VCL: variants seen among roughly 807,000 people sequenced by gnomAD.
The protein encoded by VCL is vinculin.
VCL carries 47 observed loss-of-function variants against 125.7 expected under a neutral mutation model. That is an observed-to-expected ratio of 0.37 (90% confidence interval 0.30 to 0.48). The LOEUF (loss-of-function observed/expected upper bound fraction) is 0.48, where lower values mean the gene tolerates loss of function less well. Ranked by LOEUF, VCL falls within the 20% of genes least tolerant of loss-of-function variation. The probability of loss-of-function intolerance (pLI) is 0.99; values close to 1 mark genes in which losing one functional copy is unlikely to be tolerated. For synonymous variants in VCL, 458 were observed against 514.6 expected (o/e 0.89, Z 1.49); for missense variants, 1,069 against 1,455.5 (o/e 0.73, Z 4.32).
In VCL at chr10:74,097,904, A is replaced by G. The variant is rs1839996890; in HGVS notation, c.1872+572A>G. Reference sequence around the variant, plus strand: ...GGTAAGCCAACTCTCCAGGAAAACGAAAAACCTTGATTTGTAATGTTTGTT... The same window carrying G: ...GGTAAGCCAACTCTCCAGGAAAACGGAAAACCTTGATTTGTAATGTTTGTT... On this transcript the variant is annotated intron_variant, in intron 13 of 21. Transcript: ENST00000211998. The surrounding 1 kb of genome is among the most constrained non-coding windows in gnomAD (Gnocchi z 4.1). Among the ~76,000 whole-genome samples, 1 of 152,216 alleles carries G rather than the reference A, an allele frequency of 6.6e-6. No individual in the cohort carries two copies. The highest frequency in any genetic ancestry group is 2.1e-4 in the South Asian group (1 of 4,828).
intron 20 of VCL, 21 bp downstream of exon 20, chr10:74,114,408 C>A (rs1487886338): frequency 2.1e-6 from 3 of 1,452,244 alleles, no homozygotes; most frequent in Admixed American, 1.8e-5. Context: ...AAAGAGGCTG[C>A]GTGTGTGTGT....
At chr10:74,101,542 G>GTTTTTTTTTTTTTT (rs964739371) in intron 14 of VCL, among the ~76,000 whole-genome samples, 1 of 88,142 alleles carries the variant, frequency 1.1e-5, no homozygotes, top group Non-Finnish European at 2.1e-5. Context: ...CTATTTATTA[G>GTTTTTTTTTTTTTT]TTTTTTTTTT....
intron 1 of VCL, among the ~76,000 whole-genome samples, chr10:74,030,941 A>C (rs1006591253): frequency 1.5e-4 from 23 of 152,224 alleles, no homozygotes; most frequent in Non-Finnish European, 3.2e-4. Context: ...GGACCAAACA[A>C]AAACCATCCT....
chr10:74,026,788 A>C (rs1054133715), intron 1 of VCL, among the ~76,000 whole-genome samples: 9 of 152,218 alleles, frequency 5.9e-5, no homozygotes, highest in African/African-American at 2.2e-4. Context: ...CAGCACAGTG[A>C]GGTGAGATTC....
rs758417927 is a variant in VCL at position 74,114,301 on chromosome 10, G to A, written c.3067G>A (p.Ala1023Thr). Residue 1023 changes from alanine to threonine, a missense_variant, in exon 20 of 22, where the codon GCC (alanine) becomes ACC (threonine). Ala to Thr is a moderately conservative substitution (Grantham distance 58). Transcript: ENST00000211998. ...ACTCATTCAGTGTGCCAAGGACATC[G>A]CCAAGGCCTCAGATGAGGTGACTCG... ...RALIQCAKDI[A>T]KASDEVTRLA... The A allele has an allele frequency of 5.6e-6, 9 of 1,614,060 alleles. No homozygotes were observed. Among genetic ancestry groups the A allele is most frequent in the South Asian group, 1.1e-5 (1 of 91,070 alleles).
Position 74,118,286 on chromosome 10 carries a change from C to T in VCL, c.*117C>T, listed in dbSNP as rs1194793526. 2.3e-6 allele frequency: 3 copies of T among 1,313,074 alleles called. No individual in the cohort carries two copies. Among genetic ancestry groups the T allele is most frequent in the Non-Finnish European group, 3.2e-6 (3 of 932,150 alleles). 81.3% of individuals were successfully genotyped at this position (1,313,074 alleles called of 1,614,324 possible). ...TGAAAAATCACATCCTGGCCTGGCA[C>T]ATCAGAAAGGAATGGGGGCCTCTTC... On this transcript the variant is annotated 3_prime_UTR_variant, in exon 22 of 22. Coordinates refer to ENST00000211998, the MANE Select transcript of VCL (RefSeq NM_014000.3).
intron 21 of VCL, 82 bp downstream of exon 21, chr10:74,114,981 T>C (rs1722619435): frequency 7.7e-7 from 1 of 1,296,982 alleles, no homozygotes; most frequent in African/African-American, 1.5e-5. Flanking sequence ...GGGGAAATTT[T>C]ACCCCTTAAT....
At position 74,018,177 on chromosome 10, in the gene VCL, G is replaced by GAGATATATATATAT. The variant is rs113828874; in HGVS notation, c.168+19803_168+19804insGATATATATATATA. Among the ~76,000 whole-genome samples, 117 of 81,860 alleles carry GAGATATATATATAT rather than the reference G, an allele frequency of 1.4e-3. 1 individual carries two copies. Among genetic ancestry groups the GAGATATATATATAT allele is most frequent in the African/African-American group, 4.8e-3 (110 of 22,738 alleles). The allele number at this position is 81,860 out of a possible 152,430, so 53.7% of individuals were successfully genotyped here. ...TGGTAAAATGTGAGGATATATATAG[G>GAGATATATATATAT]ATATATATATATATATATATATATA... On this transcript the variant is annotated intron_variant, in intron 1 of 21. Coordinates refer to ENST00000211998, the MANE Select transcript of VCL (RefSeq NM_014000.3).
At chr10:74,010,753 C>T (rs1039674035) in intron 1 of VCL, among the ~76,000 whole-genome samples, 5 of 152,302 alleles carry the variant, frequency 3.3e-5, no homozygotes, top group Admixed American at 6.5e-5. Flanking sequence ...TACCCCAAGA[C>T]TTTCTCTGCC....
At chr10:74,116,049 A>G (rs1840306504) in intron 21 of VCL, among the ~76,000 whole-genome samples, 1 of 152,244 alleles carries the variant, frequency 6.6e-6, no homozygotes, top group South Asian at 2.1e-4. Flanking sequence ...CTCATCACAC[A>G]TGGGCTAAGG....
intron 6 of VCL, among the ~76,000 whole-genome samples, chr10:74,078,168 A>G (rs1839621515): frequency 6.6e-6 from 1 of 152,120 alleles, no homozygotes; most frequent in South Asian, 2.1e-4. Context: ...AAGACTTTGA[A>G]CCCTACATAG....
intron 1 of VCL, among the ~76,000 whole-genome samples, chr10:74,030,559 G>A (rs1459027286): frequency 6.6e-6 from 1 of 152,188 alleles, no homozygotes; most frequent in Non-Finnish European, 1.5e-5. Context: ...GGGTTGCTTA[G>A]TATAGAAATG....
intron 1 of VCL, among the ~76,000 whole-genome samples, chr10:74,040,901 G>T (rs1841082484): frequency 6.6e-6 from 1 of 152,156 alleles, no homozygotes; most frequent in Admixed American, 6.5e-5. Flanking sequence ...TGTTGTCCAG[G>T]CTGGAGTGCA....
intron 2 of VCL, among the ~76,000 whole-genome samples, chr10:74,054,498 A>C (rs1222664123): frequency 6.6e-6 from 1 of 152,174 alleles, no homozygotes; most frequent in Non-Finnish European, 1.5e-5. Flanking sequence ...TAAGTGAAAA[A>C]TATCCTCTTA....
chr10:74,044,918 C>T (rs540406535), intron 2 of VCL, among the ~76,000 whole-genome samples: 70 of 152,104 alleles, frequency 4.6e-4, no homozygotes, highest in Non-Finnish European at 7.2e-4. Flanking sequence ...GTGGCTCACA[C>T]CTGTAATCCC....
chr10:74,115,502 G>A lies in VCL; in HGVS notation c.3258+603G>A, dbSNP rs192084224. Among the ~76,000 whole-genome samples the A allele has an allele frequency of 6.5e-4, 99 of 152,334 alleles. 2 individuals carry two copies. In the East Asian group the frequency reaches 0.019, roughly 29 times the overall value. ...AAACTGAGGTCTAGAGAGGTTAAGT[G>A]TCTGAAATAACACTATGGATCAGTG... On this transcript the variant is annotated intron_variant, in intron 21 of 21. Coordinates refer to ENST00000211998, the MANE Select transcript of VCL (RefSeq NM_014000.3).
chr10:74,107,239 A>G lies in VCL; in HGVS notation c.2444A>G (p.Lys815Arg), dbSNP rs373010557. 96 of 1,614,118 alleles carry G rather than the reference A, an allele frequency of 5.9e-5. No individual in the cohort carries two copies. The highest frequency in any genetic ancestry group is 8.1e-5 in the Non-Finnish European group (95 of 1,180,050). The change falls in exon 17 of 22, where the codon AAG becomes AGG. Residue 815 changes from lysine (K) to arginine (R), a missense_variant. Coordinates refer to ENST00000211998, the MANE Select transcript of VCL (RefSeq NM_014000.3). ...AGNISDPGLQKSFLDSGYRIL... is the reference protein window; with the variant it reads ...AGNISDPGLQRSFLDSGYRIL... ...GATGTCTTGTGTTTAGGACTGCAAA[A>G]GAGCTTCCTGGACTCAGGATATCGG...
At chr10:74,019,625 A>G (rs554430259) in intron 1 of VCL, among the ~76,000 whole-genome samples, 1 of 152,182 alleles carries the variant, frequency 6.6e-6, no homozygotes. Flanking sequence ...GAAAAGACAC[A>G]TCTGCAGCAT....
intron 1 of VCL, among the ~76,000 whole-genome samples, chr10:74,031,581 G>A (rs1175474905): frequency 6.6e-6 from 1 of 152,140 alleles, no homozygotes; most frequent in Non-Finnish European, 1.5e-5. Flanking sequence ...AAAAGCACAA[G>A]TAGCAAAAGA....
Sources: gnomAD v4.1 joint callset for allele counts (sites outside exome capture counted in the v4.1 genomes callset) on GRCh38, gnomAD v4.1.1 for gene constraint, Gnocchi (gnomAD v3.1) non-coding constraint, MANE v1.5 for transcripts, NCBI Gene and HGNC (gene_info 2026-07-23, HGNC 2026-07-21) for gene names.